NRG2: variants seen among roughly 807,000 people sequenced by gnomAD.
NRG2 encodes neuregulin 2, also known as pro-neuregulin-2, membrane-bound isoform.
Under a neutral mutation model 73.9 loss-of-function variants are expected in NRG2, and 27 were observed. The ratio of observed to expected loss-of-function variants is 0.37; its 90% confidence interval spans 0.27 to 0.50. The LOEUF (loss-of-function observed/expected upper bound fraction) is 0.50, where lower values mean the gene tolerates loss of function less well. Among genes scored for constraint, NRG2 ranks in the 20% least tolerant of loss-of-function variants. NRG2 has a pLI of 0.96. For synonymous variants in NRG2, 532 were observed against 541.0 expected (o/e 0.98, Z 0.23); for missense variants, 1,126 against 1,210.1 (o/e 0.93, Z 1.03).
intron 9 of NRG2, among the ~76,000 whole-genome samples, chr5:139,849,266 C>A (rs907138963): frequency 1.3e-5 from 2 of 152,192 alleles, no homozygotes; most frequent in African/African-American, 4.8e-5. Flanking sequence ...GGAACCAGGA[C>A]TCATACTGCC....
intron 1 of NRG2, among the ~76,000 whole-genome samples, chr5:139,958,780 C>T (rs139965644): frequency 1.0e-3 from 154 of 152,356 alleles, no homozygotes; most frequent in African/African-American, 3.4e-3. Context: ...CCACCACTCA[C>T]GTCTGTGATT....
chr5:139,866,020 T>C (rs1762448346), intron 4 of NRG2, among the ~76,000 whole-genome samples: 2 of 152,106 alleles, frequency 1.3e-5, no homozygotes, highest in Non-Finnish European at 2.9e-5. Context: ...CCTTAAGGAA[T>C]ACCAAGTTCT....
intron 1 of NRG2, among the ~76,000 whole-genome samples, chr5:139,971,626 G>A (rs1336006705): frequency 6.6e-6 from 1 of 152,258 alleles, no homozygotes; most frequent in South Asian, 2.1e-4. Flanking sequence ...TCAAGTGCAT[G>A]AGCAATATGC....
At chr5:139,951,826 G>A (rs1754224810) in intron 1 of NRG2, among the ~76,000 whole-genome samples, 1 of 152,218 alleles carries the variant, frequency 6.6e-6, no homozygotes, top group Non-Finnish European at 1.5e-5. Context: ...CACCCAGGCA[G>A]CCTGGCCTGG....
intron 1 of NRG2, among the ~76,000 whole-genome samples, chr5:139,988,866 C>T (rs1318524761): frequency 6.6e-6 from 1 of 151,796 alleles, no homozygotes; most frequent in Non-Finnish European, 1.5e-5. Context: ...TAATTGGGAG[C>T]CTGAACATGT....
intron 1 of NRG2, among the ~76,000 whole-genome samples, chr5:139,999,665 C>G (rs1221192059): frequency 2.6e-5 from 4 of 152,332 alleles, no homozygotes; most frequent in African/African-American, 9.6e-5. Context: ...TGCTGAGCTC[C>G]TCCAAACATC....
rs184624453 is a variant in NRG2, at chr5:139,853,844, C to T, written c.1293-817G>A. On this transcript the variant is annotated intron_variant, in intron 6 of 9. Coordinates refer to ENST00000361474, the MANE Select transcript of NRG2 (RefSeq NM_004883.3). The surrounding 1 kb of genome is among the most constrained non-coding windows in gnomAD (Gnocchi z 4.1). ...CAAAAACTAGTTAGAAGGAAAAAGACCTAGTATTCAATAGCATATGGGGTG... is the reference window on the plus strand; with the variant it reads ...CAAAAACTAGTTAGAAGGAAAAAGATCTAGTATTCAATAGCATATGGGGTG... 5.3e-5 allele frequency among the ~76,000 whole-genome samples: 8 copies of T among 152,180 alleles called. No homozygotes were observed. The highest frequency in any genetic ancestry group is 9.6e-5 in the African/African-American group (4 of 41,514).
Position 139,851,748 on chromosome 5 carries a change from C to T in NRG2, c.1628G>A (p.Gly543Asp), listed in dbSNP as rs775551256. The T allele has an allele frequency of 2.2e-5, 35 of 1,614,120 alleles. No individual in the cohort carries two copies. In the South Asian group the frequency reaches 3.5e-4, roughly 16 times the overall value. The change falls in exon 9 of 10, where the codon GGT (glycine) becomes GAT (aspartate). Residue 543 changes from glycine to aspartate, a missense_variant. Transcript: ENST00000361474. This position sits in a 1 kb window ranked among gnomAD's most constrained non-coding sequence, Gnocchi z 4.2. Reference protein sequence around the residue: ...SQSGIMLSSVGTSKCNSPACV... With the variant: ...SQSGIMLSSVDTSKCNSPACV... ...TGCTGGGCTGTTGCATTTGCTGGTA[C>T]CCACTGATGATAGCATGATCCCCGA...
chr5:139,965,931 T>C (rs1755477357), intron 1 of NRG2, among the ~76,000 whole-genome samples: 2 of 152,326 alleles, frequency 1.3e-5, no homozygotes, highest in South Asian at 2.1e-4. Context: ...TATTGCCCTA[T>C]ATCAGCCTAT....
intron 1 of NRG2, among the ~76,000 whole-genome samples, chr5:140,006,584 A>G (rs1191007619): frequency 1.3e-5 from 2 of 152,258 alleles, no homozygotes. Flanking sequence ...TGGAGCATTC[A>G]TAAGATTGTC....
chr5:139,955,229 G>T (rs1561706209), intron 1 of NRG2, among the ~76,000 whole-genome samples: 1 of 152,158 alleles, frequency 6.6e-6, no homozygotes, highest in Non-Finnish European at 1.5e-5. Flanking sequence ...CAGGGGCAGG[G>T]TCAGTATTGA....
intron 2 of NRG2, among the ~76,000 whole-genome samples, chr5:139,882,418 T>C (rs1390653761): frequency 6.6e-6 from 1 of 152,224 alleles, no homozygotes; most frequent in Non-Finnish European, 1.5e-5. Context: ...TATGGTAATG[T>C]CCTTGCTGAT....
intron 1 of NRG2, among the ~76,000 whole-genome samples, chr5:139,949,601 C>A (rs1754043099): frequency 6.6e-6 from 1 of 152,098 alleles, no homozygotes; most frequent in African/African-American, 2.4e-5. Context: ...TCCTTCTAGG[C>A]TTCTATTCTA....
At chr5:139,944,173 AAT>A (rs1312834866) in intron 1 of NRG2, among the ~76,000 whole-genome samples, 1 of 152,170 alleles carries the variant, frequency 6.6e-6, no homozygotes, top group East Asian at 1.9e-4. Context: ...TTAAAAAAAA[AAT>A]GTTTCAACAC....
intron 1 of NRG2, among the ~76,000 whole-genome samples, chr5:140,012,553 G>C (rs561324998): frequency 6.6e-5 from 10 of 152,166 alleles, no homozygotes; most frequent in Admixed American, 2.0e-4. Context: ...TCATACTTGA[G>C]AGTCATCTCT....
chr5:139,926,738 G>T (rs1202037284), intron 1 of NRG2, among the ~76,000 whole-genome samples: 1 of 152,198 alleles, frequency 6.6e-6, no homozygotes, highest in Non-Finnish European at 1.5e-5. Flanking sequence ...TCATCTATCA[G>T]TTCATCCATA....
intron 1 of NRG2, among the ~76,000 whole-genome samples, chr5:139,929,899 G>A (rs962195998): frequency 6.6e-6 from 1 of 152,112 alleles, no homozygotes; most frequent in Non-Finnish European, 1.5e-5. Context: ...CTTTACCTTG[G>A]AGAAAAAGCA....
At chr5:139,953,246 C>T (rs1250087121) in intron 1 of NRG2, among the ~76,000 whole-genome samples, 2 of 152,010 alleles carry the variant, frequency 1.3e-5, no homozygotes, top group South Asian at 2.1e-4. Context: ...AGCTCAAAGC[C>T]GTGGACATAG....
chr5:140,025,003 A>G (rs1760570773), intron 1 of NRG2, among the ~76,000 whole-genome samples: 1 of 152,240 alleles, frequency 6.6e-6, no homozygotes, highest in South Asian at 2.1e-4. Flanking sequence ...ACAAAAGCCC[A>G]GAATGTAAGT....
Sources: gnomAD v4.1 joint callset for allele counts (sites outside exome capture counted in the v4.1 genomes callset) on GRCh38, gnomAD v4.1.1 for gene constraint, Gnocchi (gnomAD v3.1) non-coding constraint, MANE v1.5 for transcripts, NCBI Gene and HGNC (gene_info 2026-07-23, HGNC 2026-07-21) for gene names.